The following EXOC6B variants were observed in gnomAD, a reference collection of about 807,000 sequenced individuals.
EXOC6B encodes the protein SEC15 homolog B.
Under a neutral mutation model 113.5 loss-of-function variants are expected in EXOC6B, and 54 were observed. That is an observed-to-expected ratio of 0.48 (90% CI 0.38 to 0.60). The LOEUF is 0.60. EXOC6B is among the 20% of genes least tolerant of loss of function. The pLI, the probability that EXOC6B is intolerant of heterozygous loss-of-function variation, is 0.00. For synonymous variants in EXOC6B, 357 were observed against 339.0 expected (o/e 1.05, Z -0.58); for missense variants, 797 against 977.5 (o/e 0.82, Z 2.46).
intron 20 of EXOC6B, among the ~76,000 whole-genome samples, chr2:72,193,194 C>A (rs1210503412): frequency 6.6e-6 from 1 of 152,154 alleles, no homozygotes; most frequent in Non-Finnish European, 1.5e-5. Flanking sequence ...TGACCCCAGG[C>A]ATGACACCAA....
Position 72,259,281 on chromosome 2 carries a change from C to A in EXOC6B, c.2197-75094G>T, listed in dbSNP as rs376896385. 1.1e-4 allele frequency among the ~76,000 whole-genome samples: 17 copies of A among 152,266 alleles called. 1 individual carries two copies. Among genetic ancestry groups the A allele is most frequent in the African/African-American group, 4.1e-4 (17 of 41,562 alleles). ...CTGTAAAATTTCACATAAACAAGAT[C>A]ATACAGTATGTTCTCTTTTGCATAT... On this transcript the variant is annotated intron_variant, in intron 20 of 21. Coordinates refer to ENST00000272427, the MANE Select transcript of EXOC6B (RefSeq NM_015189.3).
chr2:72,556,044 A>C (rs553884593), intron 8 of EXOC6B, among the ~76,000 whole-genome samples: 1 of 152,364 alleles, frequency 6.6e-6, no homozygotes, highest in African/African-American at 2.4e-5. Context: ...TACAATCCTG[A>C]AGACAAGGCA....
At chr2:72,626,729 C>T (rs1672073906) in intron 6 of EXOC6B, among the ~76,000 whole-genome samples, 1 of 151,824 alleles carries the variant, frequency 6.6e-6, no homozygotes, top group Non-Finnish European at 1.5e-5. Flanking sequence ...TTTCTACATA[C>T]CATTAAACAC....
At chr2:72,368,532 G>A (rs1490352682) in intron 19 of EXOC6B, among the ~76,000 whole-genome samples, 2 of 152,148 alleles carry the variant, frequency 1.3e-5, no homozygotes, top group East Asian at 3.9e-4. Context: ...GCATCATCCT[G>A]ATACTAAAGC....
At chr2:72,718,431 T>A (rs1468715549) in intron 5 of EXOC6B, 124 bp from the exon 6 acceptor site, 5 of 566,746 alleles carry the variant, frequency 8.8e-6, no homozygotes, top group Non-Finnish European at 1.2e-5. Flanking sequence ...AATGAGAACA[T>A]CAGTGAAAAG....
intron 18 of EXOC6B, among the ~76,000 whole-genome samples, chr2:72,390,054 C>T (rs1692275203): frequency 6.6e-6 from 1 of 152,082 alleles, no homozygotes. Flanking sequence ...CACTGCACCC[C>T]AGCCTGGGTG....
chr2:72,183,629 A>G (rs1447678581), intron 21 of EXOC6B, among the ~76,000 whole-genome samples: 1 of 152,054 alleles, frequency 6.6e-6, no homozygotes, highest in Non-Finnish European at 1.5e-5. Flanking sequence ...ATTCTAAATA[A>G]TTTCCAGGGA....
At chr2:72,312,780 C>T (rs1194601174) in intron 20 of EXOC6B, among the ~76,000 whole-genome samples, 1 of 127,888 alleles carries the variant, frequency 7.8e-6, no homozygotes, top group Non-Finnish European at 1.7e-5. Flanking sequence ...ACAACAACAA[C>T]AACAAACAAA....
chr2:72,733,119 CTGTGGAGAGAAGACA>C lies in EXOC6B; in HGVS notation c.280-16_280-2del. 6.3e-7 allele frequency: 1 copy of C among 1,586,204 alleles called. No homozygotes were observed. On this transcript the variant is annotated splice_acceptor_variant and splice_polypyrimidine_tract_variant and intron_variant, in intron 2 of 21. Transcript: ENST00000272427. LOFTEE classifies it high-confidence loss of function. ...TTCTATTAGTATCCGTCACTTGATT[CTGTGGAGAGAAGACA>C]ATTTAAACTCATAAAAAACAAACAT...
At chr2:72,459,481 TAA>T (rs1368079200) in intron 18 of EXOC6B, among the ~76,000 whole-genome samples, 9 of 152,138 alleles carry the variant, frequency 5.9e-5, no homozygotes, top group Non-Finnish European at 1.3e-4. Flanking sequence ...AAAATCTCCT[TAA>T]GCTGATAAGC....
chr2:72,184,130 G>T lies in EXOC6B; in HGVS notation c.2254C>A (p.Pro752Thr). 6.4e-7 allele frequency: 1 copy of T among 1,565,342 alleles called. No homozygotes were observed. Among genetic ancestry groups the T allele is most frequent in the Non-Finnish European group, 8.7e-7 (1 of 1,154,286 alleles). The change falls in exon 21 of 22, where the codon CCC becomes ACC. Residue 752 changes from proline to threonine, a missense_variant. By Grantham distance (38) the Pro-to-Thr change is conservative. Transcript: ENST00000272427. ...TTTACCCGGAGGTACTTGCAGTTGG[G>T]CTGACCATAGTCAGCAAGGTAGGTT... ...WSTYLADYGQ[P>T]NCKYLRVNPV...
intron 1 of EXOC6B, among the ~76,000 whole-genome samples, chr2:72,758,807 T>C (rs930311416): frequency 7.2e-5 from 11 of 152,362 alleles, no homozygotes; most frequent in African/African-American, 2.2e-4. Context: ...AAAGTTCTTA[T>C]AGAAAACTAA....
chr2:72,354,704 T>C (rs748535990), intron 19 of EXOC6B, among the ~76,000 whole-genome samples: 12 of 152,202 alleles, frequency 7.9e-5, no homozygotes, highest in Non-Finnish European at 1.3e-4. Flanking sequence ...ATAGGGTCCA[T>C]CATCTGTAGT....
At chr2:72,749,309 G>C (rs1225957753) in intron 1 of EXOC6B, among the ~76,000 whole-genome samples, 1 of 152,046 alleles carries the variant, frequency 6.6e-6, no homozygotes, top group Admixed American at 6.6e-5. Flanking sequence ...ATGTAATTCA[G>C]TGTGTTAAGT....
intron 1 of EXOC6B, among the ~76,000 whole-genome samples, chr2:72,752,021 T>C (rs1333818908): frequency 6.6e-6 from 1 of 152,138 alleles, no homozygotes; most frequent in South Asian, 2.1e-4. Flanking sequence ...GAGCTAATTA[T>C]ATAAATATAT....
intron 8 of EXOC6B, among the ~76,000 whole-genome samples, chr2:72,546,101 T>C (rs1181157308): frequency 1.3e-5 from 2 of 152,186 alleles, no homozygotes; most frequent in African/African-American, 2.4e-5. Context: ...AGGAAGATTA[T>C]TGACCATCTT....
At chr2:72,439,292 G>A (rs922798982) in intron 18 of EXOC6B, among the ~76,000 whole-genome samples, 22 of 152,160 alleles carry the variant, frequency 1.4e-4, no homozygotes, top group African/African-American at 4.6e-4. Context: ...CTATCGAGGT[G>A]GGGAAAGTGC....
chr2:72,280,986 G>C (rs1685093136), intron 20 of EXOC6B, among the ~76,000 whole-genome samples: 1 of 151,982 alleles, frequency 6.6e-6, no homozygotes, highest in Non-Finnish European at 1.5e-5. Flanking sequence ...AGCAGAAAAT[G>C]GCTAAAAAAT....
intron 18 of EXOC6B, among the ~76,000 whole-genome samples, chr2:72,431,572 G>A (rs1433076061): frequency 2.0e-5 from 3 of 151,490 alleles, no homozygotes; most frequent in Admixed American, 2.0e-4. Context: ...CCAGACTGGT[G>A]TGGAATGCCT....
Sources: gnomAD v4.1 joint callset for allele counts (sites outside exome capture counted in the v4.1 genomes callset) on GRCh38, gnomAD v4.1.1 for gene constraint, MANE v1.5 for transcripts, NCBI Gene and HGNC (gene_info 2026-07-23, HGNC 2026-07-21) for gene names.